Variants in PACRG observed in about 807,000 individuals in gnomAD.
PACRG encodes parkin coregulated, also known as parkin coregulated gene protein.
PACRG carries 29 observed loss-of-function variants against 29.7 expected under a neutral mutation model. The observed-to-expected ratio is 0.98, with a 90% confidence interval of 0.73 to 1.33. The LOEUF is 1.33. Ranked by LOEUF, PACRG falls within the 40% of genes most tolerant of loss-of-function variation. PACRG has a pLI of 0.00. For synonymous variants in PACRG, 116 were observed against 118.7 expected (o/e 0.98, Z 0.15); for missense variants, 279 against 316.2 (o/e 0.88, Z 0.89).
At chr6:163,285,209 A>C (rs1585399650) in intron 4 of PACRG, among the ~76,000 whole-genome samples, 1 of 150,074 alleles carries the variant, frequency 6.7e-6, no homozygotes, top group Non-Finnish European at 1.5e-5. Flanking sequence ...ACTCCACCGG[A>C]CTCATCTCTG....
chr6:163,063,393 C>T (rs1310912367), intron 3 of PACRG, among the ~76,000 whole-genome samples: 2 of 152,066 alleles, frequency 1.3e-5, no homozygotes, highest in Admixed American at 6.5e-5. Context: ...ATTGACAGGA[C>T]GCTTAGCTAG....
At chr6:163,111,812 G>A (rs1055681794) in intron 4 of PACRG, among the ~76,000 whole-genome samples, 16 of 152,080 alleles carry the variant, frequency 1.1e-4, no homozygotes, top group Non-Finnish European at 2.2e-4. Context: ...TTGGAGGGAC[G>A]TGCTTGCAAG....
At chr6:162,818,095 G>A (rs1428543158) in intron 2 of PACRG, among the ~76,000 whole-genome samples, 2 of 151,908 alleles carry the variant, frequency 1.3e-5, no homozygotes, top group South Asian at 2.1e-4. Context: ...TTATAAAAAA[G>A]CATAAGGAAT....
chr6:163,186,109 AGG>A (rs1323458361), intron 4 of PACRG, among the ~76,000 whole-genome samples: 3 of 152,194 alleles, frequency 2.0e-5, no homozygotes, highest in African/African-American at 7.2e-5. Flanking sequence ...TCTGAGACGC[AGG>A]CACTGCCCCC....
At chr6:163,109,376 A>C (rs867378104) in intron 4 of PACRG, among the ~76,000 whole-genome samples, 2 of 152,208 alleles carry the variant, frequency 1.3e-5, no homozygotes, top group Admixed American at 1.3e-4. Flanking sequence ...CTATGATAGC[A>C]AATTCTTCTT....
At chr6:162,846,120 G>A (rs777390506) in intron 2 of PACRG, among the ~76,000 whole-genome samples, 15 of 152,136 alleles carry the variant, frequency 9.9e-5, no homozygotes, top group Admixed American at 2.0e-4. Flanking sequence ...CCTGCACTGC[G>A]TCTCTAAGGG....
At chr6:163,064,729 A>G (rs929853661) in intron 3 of PACRG, among the ~76,000 whole-genome samples, 1 of 152,216 alleles carries the variant, frequency 6.6e-6, no homozygotes, top group Admixed American at 6.5e-5. Flanking sequence ...CATAATTGAC[A>G]TAACGTATAA....
At chr6:163,183,976 G>A (rs1457930071) in intron 4 of PACRG, among the ~76,000 whole-genome samples, 2 of 152,176 alleles carry the variant, frequency 1.3e-5, no homozygotes, top group African/African-American at 4.8e-5. Flanking sequence ...CTTACTCACT[G>A]GAACAGTATT....
At chr6:162,889,385 G>T (rs1207791530) in intron 2 of PACRG, among the ~76,000 whole-genome samples, 3 of 152,112 alleles carry the variant, frequency 2.0e-5, no homozygotes, top group Non-Finnish European at 2.9e-5. Flanking sequence ...TGTTATGGTA[G>T]TTTAAAAATA....
chr6:163,148,802 C>T (rs1006380547), intron 4 of PACRG, among the ~76,000 whole-genome samples: 2 of 152,128 alleles, frequency 1.3e-5, no homozygotes, highest in African/African-American at 4.8e-5. Flanking sequence ...ATACCTTCCT[C>T]TCTCCTGAAC....
In PACRG at chr6:162,777,969, A is replaced by G. The variant is rs1783778251; in HGVS notation, c.157-36178A>G. ...AGTGAACACATCCTTTGGGCCAAAC[A>G]CTGTTTTGGCCCGTAAGTATGTAGT... is the stretch of plus-strand genomic sequence containing the variant. On this transcript the variant is annotated intron_variant, in intron 1 of 4. Transcript: ENST00000366888. This position sits in a 1 kb window ranked among gnomAD's most constrained non-coding sequence, Gnocchi z 4.0. 6.6e-6 allele frequency among the ~76,000 whole-genome samples: 1 copy of G among 151,424 alleles called. No homozygotes were observed. The highest frequency in any genetic ancestry group is 1.5e-5 in the Non-Finnish European group (1 of 67,902).
At chr6:163,202,730 C>G (rs1780756742) in intron 4 of PACRG, among the ~76,000 whole-genome samples, 1 of 151,826 alleles carries the variant, frequency 6.6e-6, no homozygotes, top group Admixed American at 6.6e-5. Flanking sequence ...GCAATCCATA[C>G]CAAAAAAAAG....
At chr6:163,169,367 G>A (rs1778959370) in intron 4 of PACRG, among the ~76,000 whole-genome samples, 1 of 152,214 alleles carries the variant, frequency 6.6e-6, no homozygotes, top group Non-Finnish European at 1.5e-5. Flanking sequence ...AGCTGCATCT[G>A]TCAGTGTGAG....
intron 1 of PACRG, among the ~76,000 whole-genome samples, chr6:162,763,995 G>T (rs1049732723): frequency 1.3e-5 from 2 of 152,140 alleles, no homozygotes; most frequent in Non-Finnish European, 2.9e-5. Flanking sequence ...GGTGCTCCAG[G>T]CCCGGCATGG....
chr6:163,112,249 G>A (rs1815755618), intron 4 of PACRG: 1 of 166,156 alleles, frequency 6.0e-6, no homozygotes, highest in Non-Finnish European at 1.2e-5. Context: ...GTAAATTGTG[G>A]TTAATTTCAG....
intron 2 of PACRG, among the ~76,000 whole-genome samples, chr6:162,947,617 T>TATATATAATC (rs1554313367): frequency 0.096 from 3,559 of 37,000 alleles, 135 homozygotes; most frequent in Middle Eastern, 0.16. Context: ...TAATCATATA[T>TATATATAATC]ATATATATAT....
intron 2 of PACRG, among the ~76,000 whole-genome samples, chr6:162,819,070 C>T (rs1413070031): frequency 6.6e-6 from 1 of 152,182 alleles, no homozygotes; most frequent in African/African-American, 2.4e-5. Context: ...GCAGACATGC[C>T]AGAGGCCTTT....
chr6:162,788,728 AT>A (rs1453746707), intron 1 of PACRG, among the ~76,000 whole-genome samples: 1 of 152,116 alleles, frequency 6.6e-6, no homozygotes, highest in Non-Finnish European at 1.5e-5. Context: ...ATGATACCTC[AT>A]TTTTTAAATT....
In PACRG at chr6:163,175,806, C is replaced by T. The variant is rs112403859; in HGVS notation, c.613+86398C>T. ...AGCTCTGCTTCTCAGGCTCAATTTC[C>T]ACTGAGGAATCCCAGCATTTTTAAC... On this transcript the variant is annotated intron_variant, in intron 4 of 4. Coordinates refer to ENST00000366888, the MANE Select transcript of PACRG (RefSeq NM_001080379.2). Among the ~76,000 whole-genome samples, 681 of 151,518 alleles carry T rather than the reference C, an allele frequency of 4.5e-3. 4 individuals are homozygous for T. The highest frequency in any genetic ancestry group is 5.7e-3 in the Non-Finnish European group (389 of 67,924).
Sources: gnomAD v4.1 joint callset for allele counts (sites outside exome capture counted in the v4.1 genomes callset) on GRCh38, gnomAD v4.1.1 for gene constraint, Gnocchi (gnomAD v3.1) non-coding constraint, MANE v1.5 for transcripts, NCBI Gene and HGNC (gene_info 2026-07-23, HGNC 2026-07-21) for gene names.